The following DGCR2 variants were observed in gnomAD, a reference collection of about 807,000 sequenced individuals.
DGCR2 encodes integral membrane protein DGCR2/IDD.
A neutral mutation model predicts 51.6 loss-of-function variants in DGCR2; 24 were observed. The observed-to-expected ratio is 0.47, with a 90% CI of 0.34 to 0.65. The LOEUF is 0.65. Among genes scored for constraint, DGCR2 ranks in the 30% least tolerant of loss-of-function variants. The pLI is 0.01. For missense variants in DGCR2, 765 were observed against 772.1 expected (o/e 0.99, Z 0.11); for synonymous variants, 340 against 315.4 (o/e 1.08, Z -0.82).
At chr22:19,046,558 GT>G (rs2082491604) in intron 7 of DGCR2, 1 of 165,532 alleles carries the variant, frequency 6.0e-6, no homozygotes, top group African/African-American at 2.4e-5. Context: ...TGATGACAGG[GT>G]GGCAAGAGTA....
intron 6 of DGCR2, among the ~76,000 whole-genome samples, chr22:19,055,134 T>G (rs28782249): frequency 6.6e-6 from 1 of 151,982 alleles, no homozygotes; most frequent in Non-Finnish European, 1.5e-5. Context: ...ACAAAGAGTT[T>G]CAAAAATTCT....
At chr22:19,068,069 GT>G in intron 3 of DGCR2, 30 bp downstream of exon 3, 1 of 1,531,872 alleles carries the variant, frequency 6.5e-7, no homozygotes. Context: ...GCACTCCCCA[GT>G]GTCCCAGTCA....
In DGCR2 at chr22:19,038,488, C is replaced by G. The variant is rs892017299; in HGVS notation, c.*377G>C. On this transcript the variant is annotated 3_prime_UTR_variant, in exon 10 of 10. Coordinates refer to ENST00000263196, the MANE Select transcript of DGCR2 (RefSeq NM_005137.3). ...TCCCAGACTGGGTCAGCAGGTCTCTCTGGACAGCACACTGCACCAAGTAAG... is the reference window on the plus strand; with the variant it reads ...TCCCAGACTGGGTCAGCAGGTCTCTGTGGACAGCACACTGCACCAAGTAAG... 3 of 223,574 alleles carry G rather than the reference C, an allele frequency of 1.3e-5. No homozygotes were observed. Among genetic ancestry groups the G allele is most frequent in the Admixed American group, 5.2e-5 (1 of 19,254 alleles). The allele number at this position is 223,574 out of a possible 1,614,324, so 13.8% of individuals were successfully genotyped here.
intron 3 of DGCR2, among the ~76,000 whole-genome samples, chr22:19,067,725 TAAATA>T (rs2082765265): frequency 1.6e-5 from 2 of 126,914 alleles, no homozygotes; most frequent in South Asian, 5.1e-4. Flanking sequence ...AATAAATAAA[TAAATA>T]AGGAGTCGAG....
At chr22:19,109,635 G>C (rs1179420893) in intron 1 of DGCR2, among the ~76,000 whole-genome samples, 2 of 152,036 alleles carry the variant, frequency 1.3e-5, no homozygotes, top group East Asian at 3.9e-4. Flanking sequence ...AAAAGGGAGG[G>C]GTAGTTACTC....
intron 6 of DGCR2, among the ~76,000 whole-genome samples, chr22:19,050,242 G>C (rs779323549): frequency 9.2e-5 from 14 of 152,224 alleles, no homozygotes; most frequent in Non-Finnish European, 8.8e-5. Flanking sequence ...AATGGGACGT[G>C]ACTTGTTACT....
At chr22:19,119,368 G>C (rs1230780830) in intron 1 of DGCR2, among the ~76,000 whole-genome samples, 3 of 152,156 alleles carry the variant, frequency 2.0e-5, no homozygotes, top group South Asian at 2.1e-4. Context: ...GGGACCTCTT[G>C]AGAGTTAACA....
rs532973105 is a variant in DGCR2, at chr22:19,037,647, T to C, written c.*1218A>G. On this transcript the variant is annotated 3_prime_UTR_variant, in exon 10 of 10. Transcript: ENST00000263196. ...AAAGGAAAGATCCAGACATTCAACG[T>C]AGAAAAGATATGGATGTGCTAAAAA... 1 of 152,210 alleles carries C rather than the reference T, an allele frequency of 6.6e-6. No individual in the cohort carries two copies. Among genetic ancestry groups the C allele is most frequent in the South Asian group, 2.1e-4 (1 of 4,812 alleles). The allele number at this position is 152,210 out of a possible 1,614,324, so 9.4% of individuals were successfully genotyped here.
At chr22:19,045,598 T>C (rs1234750544) in intron 7 of DGCR2, among the ~76,000 whole-genome samples, 2 of 152,244 alleles carry the variant, frequency 1.3e-5, no homozygotes, top group Non-Finnish European at 2.9e-5. Context: ...TTTATCTACC[T>C]TTTTATTTAA....
chr22:19,117,977 T>C (rs1174737705), intron 1 of DGCR2, among the ~76,000 whole-genome samples: 1 of 152,166 alleles, frequency 6.6e-6, no homozygotes, highest in African/African-American at 2.4e-5. Flanking sequence ...AGCTCACCTC[T>C]CCAGCTACTT....
chr22:19,092,125 C>T (rs1488731726), intron 1 of DGCR2, among the ~76,000 whole-genome samples: 1 of 151,580 alleles, frequency 6.6e-6, no homozygotes, highest in Admixed American at 6.6e-5. Flanking sequence ...TCCAGCAGAT[C>T]ATCTGAGGTC....
chr22:19,097,298 G>C (rs1468008075), intron 1 of DGCR2, among the ~76,000 whole-genome samples: 2 of 152,248 alleles, frequency 1.3e-5, no homozygotes, highest in African/African-American at 4.8e-5. Flanking sequence ...GCTCACGCCT[G>C]TAATCCCAGC....
intron 2 of DGCR2, among the ~76,000 whole-genome samples, chr22:19,070,392 T>C (rs1346477361): frequency 6.6e-6 from 1 of 152,196 alleles, no homozygotes; most frequent in Non-Finnish European, 1.5e-5. Flanking sequence ...AGAATGTCAC[T>C]GAACTTAAAT....
At chr22:19,068,079 C>G in intron 3 of DGCR2, 21 bp downstream of exon 3, 1 of 1,546,850 alleles carries the variant, frequency 6.5e-7, no homozygotes. Flanking sequence ...GTGTCCCAGT[C>G]AGGGCAGGTC....
chr22:19,083,689 T>TCCCCCC (rs2082967820), intron 2 of DGCR2, among the ~76,000 whole-genome samples: 1 of 81,374 alleles, frequency 1.2e-5, no homozygotes, highest in African/African-American at 4.6e-5. Context: ...TCCCTCTCCC[T>TCCCCCC]CTCCCCCCTC....
At chr22:19,088,703 A>C (rs2083044780) in intron 2 of DGCR2, among the ~76,000 whole-genome samples, 1 of 152,226 alleles carries the variant, frequency 6.6e-6, no homozygotes, top group Admixed American at 6.5e-5. Context: ...TATGTCTCAC[A>C]CATTCACACA....
At chr22:19,060,903 G>C (rs753243078) in intron 5 of DGCR2, 1 of 513,604 alleles carries the variant, frequency 1.9e-6, no homozygotes. Context: ...GCAGGGTACC[G>C]ACACATGGGC....
chr22:19,083,137 T>A (rs1282348706), intron 2 of DGCR2, among the ~76,000 whole-genome samples: 1 of 152,158 alleles, frequency 6.6e-6, no homozygotes, highest in African/African-American at 2.4e-5. Context: ...ATCAAGGTCT[T>A]AAAGATAGTC....
At chr22:19,046,687 C>A in intron 7 of DGCR2, 1 of 398,612 alleles carries the variant, frequency 2.5e-6, no homozygotes, top group Non-Finnish European at 5.2e-6. Context: ...GAAGAAGGCC[C>A]TAGGAGAGTC....
Sources: allele counts gnomAD v4.1 joint callset (sites outside exome capture counted in the v4.1 genomes callset), GRCh38; gene constraint gnomAD v4.1.1; transcripts MANE v1.5; gene names NCBI Gene and HGNC (gene_info 2026-07-23, HGNC 2026-07-21).